NHS: variants seen among roughly 807,000 people sequenced by gnomAD.
NHS encodes actin remodeling regulator NHS.
Under a neutral mutation model 72.5 loss-of-function variants are expected in NHS, and 5 were observed. That is an observed-to-expected ratio of 0.07 (90% CI 0.04 to 0.14). The LOEUF (loss-of-function observed/expected upper bound fraction) is 0.14, where lower values mean the gene tolerates loss of function less well. NHS is among the 10% of genes least tolerant of loss of function. The pLI, the probability that NHS is intolerant of heterozygous loss-of-function variation, is 1.00. For missense variants in NHS, 1,072 were observed against 1,355.7 expected (o/e 0.79, Z 3.29); for synonymous variants, 464 against 547.7 (o/e 0.85, Z 2.13).
intron 1 of NHS, among the ~76,000 whole-genome samples, chrX:17,500,426 T>A (rs1431758710): frequency 8.9e-6 from 1 of 112,071 alleles, no homozygotes; most frequent in Admixed American, 9.5e-5. Flanking sequence ...CTTCCTTGAT[T>A]CTGATTGTGT....
intron 1 of NHS, among the ~76,000 whole-genome samples, chrX:17,409,108 C>T (rs769091025): frequency 8.9e-6 from 1 of 112,290 alleles, no homozygotes; most frequent in Non-Finnish European, 1.9e-5. Flanking sequence ...CAAATACAGC[C>T]CCACTGGGGG....
At position 17,579,873 on chromosome X, in the gene NHS, A is replaced by G. The variant is rs943428898; in HGVS notation, c.566-107869A>G. On this transcript the variant is annotated intron_variant, in intron 1 of 8. Transcript: ENST00000676302. ...TGGCAACCAAAGTTGGGTGAGGGGGATGATTTGGTGGGAGAATACCCTAGA... is the reference window on the plus strand; with the variant it reads ...TGGCAACCAAAGTTGGGTGAGGGGGGTGATTTGGTGGGAGAATACCCTAGA... Among the ~76,000 whole-genome samples, 8 of 110,654 alleles carry G rather than the reference A, an allele frequency of 7.2e-5. No homozygotes were observed. The East Asian group carries it at 2.3e-3, about 32-fold the overall frequency.
intron 3 of NHS, among the ~76,000 whole-genome samples, chrX:17,705,951 G>A (rs1022085897): frequency 8.9e-6 from 1 of 111,937 alleles, no homozygotes; most frequent in African/African-American, 3.2e-5. Flanking sequence ...CACTTTGGGA[G>A]GCTGAAGTGG....
Position 17,375,710 on chromosome X carries a change from A to T in NHS, c.-48A>T, listed in dbSNP as rs1437336688. 6 of 1,142,690 alleles carry T rather than the reference A, an allele frequency of 5.3e-6. No individual in the cohort carries two copies. In the South Asian group the frequency reaches 1.2e-4, roughly 22 times the overall value. The allele number at this position is 1,142,690 out of a possible 1,213,427, so 94.2% of individuals were successfully genotyped here. A position where few individuals can be genotyped will look rare whatever the true frequency, so the allele number is the denominator to read the frequency against. On this transcript the variant is annotated 5_prime_UTR_variant, in exon 1 of 9. Transcript: ENST00000676302. ...GGTGGGCGCGCCCGGTCTCCAGCTC[A>T]CAGGGGCGCTTGGAGGAGACCAGAA...
chrX:17,616,963 C>T (rs7878616), intron 1 of NHS, among the ~76,000 whole-genome samples: 1 of 111,756 alleles, frequency 8.9e-6, no homozygotes, highest in African/African-American at 3.3e-5. Context: ...CCTCTGTCCT[C>T]GTAATTTAAT....
chrX:17,704,076 C>G (rs1907149932), intron 3 of NHS, among the ~76,000 whole-genome samples: 1 of 110,823 alleles, frequency 9.0e-6, no homozygotes, highest in African/African-American at 3.3e-5. Flanking sequence ...ATGACCTGGG[C>G]AAGCCACCTA....
chrX:17,419,336 A>G (rs765838958), intron 1 of NHS, among the ~76,000 whole-genome samples: 22 of 112,474 alleles, frequency 2.0e-4, no homozygotes, highest in African/African-American at 6.8e-4. Flanking sequence ...TTTCAAGTGG[A>G]CCTTCTGAAT....
At chrX:17,581,053 A>AGTGG (rs1160219040) in intron 1 of NHS, among the ~76,000 whole-genome samples, 1 of 111,383 alleles carries the variant, frequency 9.0e-6, no homozygotes, top group Admixed American at 9.5e-5. Flanking sequence ...TCTCGAGCAC[A>AGTGG]GTGGGGAAAT....
chrX:17,689,664 A>G (rs1202863918), intron 2 of NHS, among the ~76,000 whole-genome samples: 1 of 112,112 alleles, frequency 8.9e-6, no homozygotes, highest in Non-Finnish European at 1.9e-5. Flanking sequence ...AAGCTGACAT[A>G]TAGTAGGTCC....
At chrX:17,583,976 C>T (rs926335603) in intron 1 of NHS, among the ~76,000 whole-genome samples, 1 of 111,936 alleles carries the variant, frequency 8.9e-6, no homozygotes, top group Non-Finnish European at 1.9e-5. Context: ...CTCTCTCTGT[C>T]TCTTTTTCCT....
intron 1 of NHS, among the ~76,000 whole-genome samples, chrX:17,482,859 T>C (rs1302395322): frequency 8.9e-6 from 1 of 112,510 alleles, no homozygotes; most frequent in Non-Finnish European, 1.9e-5. Context: ...AATACTTGTA[T>C]GTACAACTCA....
At chrX:17,537,590 C>T (rs1012539475) in intron 1 of NHS, among the ~76,000 whole-genome samples, 5 of 112,252 alleles carry the variant, frequency 4.5e-5, no homozygotes, top group African/African-American at 9.7e-5. Context: ...TATCAGGTCC[C>T]CCCAAAATGG....
At chrX:17,443,784 A>G (rs760991772) in intron 1 of NHS, among the ~76,000 whole-genome samples, 1 of 112,274 alleles carries the variant, frequency 8.9e-6, no homozygotes, top group East Asian at 2.8e-4. Context: ...AGCCCTTAGA[A>G]AGAAATCTTA....
chrX:17,692,335 A>G lies in NHS; in HGVS notation c.719A>G (p.Glu240Gly). ...ARQSLQALRREHRSRSDRREQ... is the reference protein window; with the variant it reads ...ARQSLQALRRGHRSRSDRREQ... ...TATTACTGCTTTTTCTCCTTCTCAGAACACCGGAGCCGGAGCGATCGCCGA... is the reference window on the plus strand; with the variant it reads ...TATTACTGCTTTTTCTCCTTCTCAGGACACCGGAGCCGGAGCGATCGCCGA... The change falls in exon 3 of 9, where the codon GAA (glutamate) becomes GGA (glycine). Residue 240 changes from glutamate (E) to glycine (G), a missense_variant and splice_region_variant. Glu to Gly is a moderately conservative substitution (Grantham distance 98). Coordinates refer to ENST00000676302, the MANE Select transcript of NHS (RefSeq NM_001291867.2). 8.3e-7 allele frequency: 1 copy of G among 1,210,944 alleles called. No individual in the cohort carries two copies. Among genetic ancestry groups the G allele is most frequent in the Non-Finnish European group, 1.1e-6 (1 of 895,277 alleles).
intron 1 of NHS, among the ~76,000 whole-genome samples, chrX:17,441,389 A>G (rs774996131): frequency 8.0e-5 from 9 of 112,034 alleles, no homozygotes; most frequent in Non-Finnish European, 1.5e-4. Context: ...TATTCTAAGC[A>G]CCTTACACGA....
In NHS at chrX:17,502,975, T is replaced by C. The variant is rs1186905915; in HGVS notation, c.565+126653T>C. ...TCCCACTTTCAACTCTTCCCTCTCTTGTGCCTCCAGTATCCTGAGTCTACA... is the reference window on the plus strand; with the variant it reads ...TCCCACTTTCAACTCTTCCCTCTCTCGTGCCTCCAGTATCCTGAGTCTACA... On this transcript the variant is annotated intron_variant, in intron 1 of 8. Coordinates refer to ENST00000676302, the MANE Select transcript of NHS (RefSeq NM_001291867.2). Among the ~76,000 whole-genome samples the C allele has an allele frequency of 2.7e-5, 3 of 111,736 alleles. No individual in the cohort carries two copies. In the Admixed American group the frequency reaches 2.9e-4, roughly 11 times the overall value.
chrX:17,412,536 G>A (rs1355732988), intron 1 of NHS, among the ~76,000 whole-genome samples: 2 of 110,661 alleles, frequency 1.8e-5, no homozygotes, highest in Non-Finnish European at 3.8e-5. Context: ...AGTCAAGGCT[G>A]CAGTGAGCTG....
chrX:17,562,587 G>A (rs918354742), intron 1 of NHS, among the ~76,000 whole-genome samples: 5 of 111,180 alleles, frequency 4.5e-5, no homozygotes, highest in Non-Finnish European at 9.4e-5. Flanking sequence ...ATCACAAAGG[G>A]GTGGGTATGT....
At chrX:17,591,882 C>T (rs1386257800) in intron 1 of NHS, among the ~76,000 whole-genome samples, 1 of 111,633 alleles carries the variant, frequency 9.0e-6, no homozygotes, top group African/African-American at 3.3e-5. Context: ...CTCCGGCTGC[C>T]TTTATCTGAG....
Sources: gnomAD v4.1 joint callset for allele counts (sites outside exome capture counted in the v4.1 genomes callset) on GRCh38, gnomAD v4.1.1 for gene constraint, MANE v1.5 for transcripts, NCBI Gene and HGNC (gene_info 2026-07-23, HGNC 2026-07-21) for gene names.